The following PTPRK variants were observed in gnomAD, a reference collection of about 807,000 sequenced individuals.
PTPRK encodes receptor-type tyrosine-protein phosphatase kappa.
Under a neutral mutation model 178.0 loss-of-function variants are expected in PTPRK, and 75 were observed. The observed-to-expected ratio is 0.42, with a 90% confidence interval of 0.35 to 0.51. The LOEUF (loss-of-function observed/expected upper bound fraction) is 0.51. Ranked by LOEUF, PTPRK falls within the 20% of genes least tolerant of loss-of-function variation. The probability of loss-of-function intolerance (pLI) is 0.02; values close to 1 mark genes in which losing one functional copy is unlikely to be tolerated. For missense variants in PTPRK, 1,441 were observed against 1,797.8 expected, an observed-to-expected ratio of 0.80 and a Z score of 3.59; for synonymous variants, 637 against 620.6, an observed-to-expected ratio of 1.03 and a Z score of -0.39.
chr6:128,284,299 C>T (rs1454263826), intron 3 of PTPRK, among the ~76,000 whole-genome samples: 1 of 152,200 alleles, frequency 6.6e-6, no homozygotes, highest in Non-Finnish European at 1.5e-5. Flanking sequence ...TCCTGGTCAT[C>T]TTTTCCACAT....
chr6:128,368,692 T>A (rs1835855405), intron 2 of PTPRK, among the ~76,000 whole-genome samples: 1 of 152,102 alleles, frequency 6.6e-6, no homozygotes, highest in Non-Finnish European at 1.5e-5. Context: ...ATTGTCACCT[T>A]AACTCCAAGT....
intron 2 of PTPRK, among the ~76,000 whole-genome samples, chr6:128,356,669 A>G (rs1329330859): frequency 6.6e-6 from 1 of 151,948 alleles, no homozygotes; most frequent in Non-Finnish European, 1.5e-5. Flanking sequence ...TTTCTTTCTC[A>G]TATCATAAAT....
At chr6:128,137,768 A>G (rs1438790444) in intron 7 of PTPRK, among the ~76,000 whole-genome samples, 1 of 152,172 alleles carries the variant, frequency 6.6e-6, no homozygotes, top group Non-Finnish European at 1.5e-5. Flanking sequence ...TAATTATACT[A>G]AATGTTCCCA....
At chr6:128,443,305 G>C (rs1846521023) in intron 1 of PTPRK, among the ~76,000 whole-genome samples, 1 of 152,030 alleles carries the variant, frequency 6.6e-6, no homozygotes, top group Admixed American at 6.6e-5. Flanking sequence ...GGAGGAGGGA[G>C]ACGTAAGAAG....
chr6:128,223,209 G>A (rs1161094819), intron 5 of PTPRK, among the ~76,000 whole-genome samples: 1 of 151,566 alleles, frequency 6.6e-6, no homozygotes, highest in Non-Finnish European at 1.5e-5. Context: ...TTTAGCGGGT[G>A]GCTCAAGTAC....
intron 6 of PTPRK, among the ~76,000 whole-genome samples, chr6:128,211,261 C>T (rs1034986016): frequency 6.6e-6 from 1 of 152,146 alleles, no homozygotes; most frequent in Admixed American, 6.6e-5. Flanking sequence ...CAAATTCTCA[C>T]TTTTAATACT....
chr6:128,204,166 A>C (rs1401351718), intron 6 of PTPRK, among the ~76,000 whole-genome samples: 1 of 152,174 alleles, frequency 6.6e-6, no homozygotes, highest in African/African-American at 2.4e-5. Flanking sequence ...AAAAACAAGC[A>C]ATGGGGAGAG....
At chr6:128,025,036 GTT>G (rs1562455726) in intron 13 of PTPRK, among the ~76,000 whole-genome samples, 1 of 152,152 alleles carries the variant, frequency 6.6e-6, no homozygotes, top group South Asian at 2.1e-4. Flanking sequence ...AGTACAACAA[GTT>G]TGTCTTTGAC....
intron 1 of PTPRK, among the ~76,000 whole-genome samples, chr6:128,435,081 G>A (rs1278994484): frequency 1.7e-5 from 2 of 115,436 alleles, no homozygotes; most frequent in Admixed American, 1.6e-4. Context: ...AGGAAGGAAG[G>A]AAGGAAGGAA....
intron 13 of PTPRK, among the ~76,000 whole-genome samples, chr6:128,021,235 A>T (rs1186343582): frequency 2.0e-5 from 3 of 152,202 alleles, no homozygotes; most frequent in Non-Finnish European, 4.4e-5. Context: ...TATCTAACAA[A>T]CACACCCAAA....
chr6:127,997,937 ACT>A (rs1483974427), intron 16 of PTPRK, among the ~76,000 whole-genome samples: 1 of 152,062 alleles, frequency 6.6e-6, no homozygotes, highest in Non-Finnish European at 1.5e-5. Flanking sequence ...GGATTCTTTC[ACT>A]TTAAATGTGT....
At chr6:128,341,210 A>T (rs538144743) in intron 2 of PTPRK, among the ~76,000 whole-genome samples, 1 of 152,258 alleles carries the variant, frequency 6.6e-6, no homozygotes, top group Admixed American at 6.5e-5. Flanking sequence ...CATAAACACA[A>T]ATGCAAATAA....
At chr6:128,063,674 GC>G (rs1781256454) in intron 13 of PTPRK, 1 of 152,002 alleles carries the variant, frequency 6.6e-6, no homozygotes. Flanking sequence ...TTTAAGAATT[GC>G]TTTTTTAAAT....
chr6:128,476,344 C>T (rs139161952), intron 1 of PTPRK, among the ~76,000 whole-genome samples: 1 of 152,092 alleles, frequency 6.6e-6, no homozygotes, highest in Non-Finnish European at 1.5e-5. Flanking sequence ...ATATGTATAT[C>T]AAATCATCAT....
At chr6:128,070,864 G>T (rs1315995626) in intron 11 of PTPRK, among the ~76,000 whole-genome samples, 8 of 151,370 alleles carry the variant, frequency 5.3e-5, no homozygotes, top group Non-Finnish European at 1.0e-4. Flanking sequence ...TAGGATAATG[G>T]ACGTTTAAGT....
intron 6 of PTPRK, among the ~76,000 whole-genome samples, chr6:128,185,311 G>A (rs76215042): frequency 0.022 from 3,323 of 152,080 alleles, 99 homozygotes; most frequent in African/African-American, 0.046. Context: ...ATAAGATAAG[G>A]CAATTCACCA....
At chr6:127,970,604 T>A (rs1049974015) in intron 29 of PTPRK, among the ~76,000 whole-genome samples, 1 of 152,062 alleles carries the variant, frequency 6.6e-6, no homozygotes, top group Non-Finnish European at 1.5e-5. Context: ...ATATAAAGAA[T>A]ATACACATTC....
At chr6:127,993,044 T>C (rs1457926688) in intron 18 of PTPRK, among the ~76,000 whole-genome samples, 2 of 151,724 alleles carry the variant, frequency 1.3e-5, no homozygotes, top group African/African-American at 4.8e-5. Context: ...TAAAATAGTG[T>C]TTAAAAATAT....
intron 3 of PTPRK, among the ~76,000 whole-genome samples, chr6:128,305,123 G>A (rs960186164): frequency 2.0e-5 from 3 of 152,062 alleles, no homozygotes; most frequent in East Asian, 1.9e-4. Context: ...AGAAAGAGTC[G>A]ATACTCTTTT....
Sources: gnomAD v4.1 joint callset for allele counts (sites outside exome capture counted in the v4.1 genomes callset) on GRCh38, gnomAD v4.1.1 for gene constraint, MANE v1.5 for transcripts, NCBI Gene and HGNC (gene_info 2026-07-23, HGNC 2026-07-21) for gene names.